The following OSMR variants were observed in gnomAD, a reference collection of about 807,000 sequenced individuals.
The protein encoded by OSMR is oncostatin M receptor, also known as oncostatin-M-specific receptor subunit beta.
Under a neutral mutation model 99.9 loss-of-function variants are expected in OSMR, and 81 were observed. The ratio of observed to expected loss-of-function variants is 0.81; its 90% CI spans 0.68 to 0.97. OSMR has a LOEUF of 0.97. OSMR is among the 50% of genes least tolerant of loss of function. The pLI, the probability that OSMR is intolerant of heterozygous loss-of-function variation, is 0.00. For synonymous variants in OSMR, 406 were observed against 410.4 expected (o/e 0.99, Z 0.13); for missense variants, 1,099 against 1,153.4 (o/e 0.95, Z 0.68).
chr5:38,940,767 A>G (rs1358728067), intron 1 of OSMR: 1 of 231,972 alleles, frequency 4.3e-6, no homozygotes, highest in Non-Finnish European at 8.5e-6. Flanking sequence ...CCAGTAAATA[A>G]ATTTTTTAAA....
At chr5:38,856,049 C>T (rs1740811559) in intron 1 of OSMR, among the ~76,000 whole-genome samples, 1 of 152,160 alleles carries the variant, frequency 6.6e-6, no homozygotes, top group Non-Finnish European at 1.5e-5. Flanking sequence ...AGAGTTTTCT[C>T]CCTCACCTCT....
intron 1 of OSMR, among the ~76,000 whole-genome samples, chr5:38,862,094 G>A (rs1348648595): frequency 7.2e-5 from 2 of 27,920 alleles, no homozygotes; most frequent in African/African-American, 2.8e-4. Context: ...TGGCCGGGTG[G>A]GGGGCTGACC....
chr5:38,945,095 T>G (rs756890320), exon 3 of OSMR: 7 of 1,508,140 alleles, frequency 4.6e-6, no homozygotes, highest in South Asian at 1.2e-5. Context: ...TTATTTCAAT[T>G]AAAGCACCAT....
chr5:38,866,877 G>T (rs999892907), intron 1 of OSMR, among the ~76,000 whole-genome samples: 1 of 152,102 alleles, frequency 6.6e-6, no homozygotes, highest in African/African-American at 2.4e-5. Context: ...GAACCACTGG[G>T]GATCTCTCAC....
At chr5:38,913,192 A>T (rs1269110032) in intron 9 of OSMR, among the ~76,000 whole-genome samples, 3 of 152,112 alleles carry the variant, frequency 2.0e-5, no homozygotes, top group Admixed American at 1.3e-4. Context: ...CAAACACCTA[A>T]TATCCAGCAT....
intron 15 of OSMR, among the ~76,000 whole-genome samples, chr5:38,931,473 A>C (rs1746747698): frequency 1.3e-5 from 2 of 152,216 alleles, no homozygotes; most frequent in Non-Finnish European, 2.9e-5. Context: ...GTATGCATGC[A>C]CATTTAAAGC....
At chr5:38,906,832 C>CTGAA (rs1275292926) in intron 9 of OSMR, among the ~76,000 whole-genome samples, 1 of 152,028 alleles carries the variant, frequency 6.6e-6, no homozygotes, top group African/African-American at 2.4e-5. Context: ...AAGAAATGTT[C>CTGAA]TGAATCAGAT....
chr5:38,850,773 A>T lies in OSMR; in HGVS notation c.-14+4386A>T, dbSNP rs1740291397. 3.9e-5 allele frequency among the ~76,000 whole-genome samples: 6 copies of T among 152,092 alleles called. No homozygotes were observed. The South Asian group carries it at 1.2e-3, about 32-fold the overall frequency. ...AGAAGTTACGCTTTCTTGTGAGTAA[A>T]TTTTTCATACACCGTGGTATTTCTT... is the stretch of plus-strand genomic sequence containing the variant. On this transcript the variant is annotated intron_variant, in intron 1 of 17. Coordinates refer to ENST00000274276, the MANE Select transcript of OSMR (RefSeq NM_003999.3).
intron 1 of OSMR, among the ~76,000 whole-genome samples, chr5:38,846,905 C>T (rs1561321679): frequency 6.6e-6 from 1 of 152,200 alleles, no homozygotes. Context: ...CCCCTGACAC[C>T]GCGATTCCTT....
chr5:38,856,854 C>G (rs2112087797), intron 1 of OSMR, among the ~76,000 whole-genome samples: 1 of 152,308 alleles, frequency 6.6e-6, no homozygotes, highest in African/African-American at 2.4e-5. Flanking sequence ...GTTGCCCAGT[C>G]TGGTCTGGAA....
intron 1 of OSMR, among the ~76,000 whole-genome samples, chr5:38,854,920 C>T (rs1740722056): frequency 6.6e-6 from 1 of 152,204 alleles, no homozygotes; most frequent in Non-Finnish European, 1.5e-5. Context: ...TTCCTTTTCT[C>T]ACTGGAAGTT....
At chr5:38,918,378 A>G (rs1447050785) in intron 10 of OSMR, among the ~76,000 whole-genome samples, 1 of 152,076 alleles carries the variant, frequency 6.6e-6, no homozygotes, top group Non-Finnish European at 1.5e-5. Flanking sequence ...GATCTTCCAG[A>G]GGAGGGCTCT....
At chr5:38,939,015 A>G (rs1409523408), downstream of OSMR, 3 of 233,046 alleles carry the variant, frequency 1.3e-5, no homozygotes, top group East Asian at 1.2e-4. Context: ...AACATTTCCC[A>G]AAGTAGTTTA....
At position 38,885,473 on chromosome 5, in the gene OSMR, T is replaced by C; in HGVS notation, c.828T>C (p.Thr276=). The change falls in exon 6 of 18, where the codon ACT becomes ACC. Residue 276 remains threonine (T), a synonymous_variant. Transcript: ENST00000274276. ...CTAAACAACCTTCCCAAAGCTACAC[T>C]TTATTTGAATCGTAAGTTGGCTCTG... is the stretch of plus-strand genomic sequence containing the variant. ...GWSKQPSQSY[T]LFESFSGEKK... 2 of 1,614,034 alleles carry C rather than the reference T, an allele frequency of 1.2e-6. No individual in the cohort carries two copies. The highest frequency in any genetic ancestry group is 1.7e-6 in the Non-Finnish European group (2 of 1,179,936).
At chr5:38,846,671 A>G (rs1014714179) in intron 1 of OSMR, among the ~76,000 whole-genome samples, 1 of 152,106 alleles carries the variant, frequency 6.6e-6, no homozygotes, top group Non-Finnish European at 1.5e-5. Context: ...TCCCTAGCGT[A>G]GAAGCGGGAG....
chr5:38,877,927 A>C (rs1352877762), intron 3 of OSMR, among the ~76,000 whole-genome samples: 1 of 152,184 alleles, frequency 6.6e-6, no homozygotes, highest in Non-Finnish European at 1.5e-5. Flanking sequence ...GAAAGCAGCT[A>C]GTGTGGACTA....
At chr5:38,879,573 T>C (rs193147070) in intron 3 of OSMR, among the ~76,000 whole-genome samples, 15 of 151,784 alleles carry the variant, frequency 9.9e-5, no homozygotes, top group Non-Finnish European at 1.9e-4. Flanking sequence ...CCATTATTGA[T>C]GTACTTCCTT....
chr5:38,921,909 G>A lies in OSMR; in HGVS notation c.1765+115G>A, dbSNP rs142413900. 4.6e-4 allele frequency: 395 copies of A among 867,568 alleles called. 3 individuals are homozygous for A. In the African/African-American group the frequency reaches 5.2e-3, roughly 11 times the overall value. 53.7% of individuals were successfully genotyped at this position (867,568 alleles called of 1,614,324 possible). ...TGTGCTAAGCTAGTAATTTTGAAAC[G>A]ACAAATCCAGCATGGGTGTTAGGAG... On this transcript the variant is annotated intron_variant, in intron 12 of 17. Coordinates refer to ENST00000274276, the MANE Select transcript of OSMR (RefSeq NM_003999.3).
At chr5:38,904,303 T>G (rs1268326518) in intron 8 of OSMR, 50 bp from the exon 9 acceptor site, 3 of 1,577,140 alleles carry the variant, frequency 1.9e-6, no homozygotes, top group African/African-American at 1.4e-5. Context: ...CCAATGTTTC[T>G]GTCTTGTTCT....
Sources: allele counts gnomAD v4.1 joint callset (sites outside exome capture counted in the v4.1 genomes callset), GRCh38; gene constraint gnomAD v4.1.1; transcripts MANE v1.5; gene names NCBI Gene and HGNC (gene_info 2026-07-23, HGNC 2026-07-21).